Variants in DNM3 observed in about 807,000 individuals in gnomAD.
DNM3 encodes dynamin-3.
In DNM3, 47 loss-of-function variants were observed where a neutral mutation model predicts 101.6. The observed-to-expected ratio is 0.46, with a 90% CI of 0.37 to 0.59. The LOEUF (loss-of-function observed/expected upper bound fraction) is 0.59, where lower values mean the gene tolerates loss of function less well. DNM3 is among the 20% of genes least tolerant of loss of function. The pLI is 0.00. For synonymous variants in DNM3, 385 were observed against 387.9 expected (o/e 0.99, Z 0.09); for missense variants, 849 against 1,085.7 (o/e 0.78, Z 3.06).
chr1:171,990,155 G>A (rs1048437966), intron 4 of DNM3, among the ~76,000 whole-genome samples: 2 of 152,080 alleles, frequency 1.3e-5, no homozygotes, highest in South Asian at 2.1e-4. Context: ...TTTAGTGAGA[G>A]CTTTTTGAAG....
chr1:172,148,285 C>A (rs1167828653), intron 14 of DNM3, among the ~76,000 whole-genome samples: 1 of 149,556 alleles, frequency 6.7e-6, no homozygotes, highest in Admixed American at 6.7e-5. Context: ...AAGGCAGGAA[C>A]AATATATTTG....
intron 10 of DNM3, among the ~76,000 whole-genome samples, chr1:172,065,052 C>A (rs2051544519): frequency 6.6e-6 from 1 of 152,188 alleles, no homozygotes; most frequent in African/African-American, 2.4e-5. Context: ...ATCAATGCTC[C>A]TGCCAAGGCC....
At chr1:172,113,864 T>G (rs964462983) in intron 13 of DNM3, among the ~76,000 whole-genome samples, 17 of 152,156 alleles carry the variant, frequency 1.1e-4, no homozygotes, top group Non-Finnish European at 2.2e-4. Context: ...TCTTTTCTTC[T>G]TAAATAATCT....
Position 171,921,762 on chromosome 1 carries a change from G to A in DNM3, c.176G>A (p.Arg59Gln), listed in dbSNP as rs1292606567. The change falls in exon 2 of 21, where the codon CGA (arginine) becomes CAA (glutamine). Residue 59 changes from arginine (R) to glutamine (Q), a missense_variant. Coordinates refer to ENST00000627582, the MANE Select transcript of DNM3 (RefSeq NM_015569.5). ...ENFVGRDFLP[R>Q]GSGIVTRRPL... ...ACTTTTTTTAGGGACTTTCTCCCTC[G>A]AGGGTCGGGCATTGTAACAAGACGA... is the stretch of plus-strand genomic sequence containing the variant. 6.9e-6 allele frequency: 11 copies of A among 1,594,968 alleles called. No individual in the cohort carries two copies. The highest frequency in any genetic ancestry group is 7.7e-6 in the Non-Finnish European group (9 of 1,169,686).
At chr1:172,406,699 A>G (rs1319168947) in intron 20 of DNM3, among the ~76,000 whole-genome samples, 2 of 152,018 alleles carry the variant, frequency 1.3e-5, no homozygotes, top group African/African-American at 4.8e-5. Flanking sequence ...ACTATTTTTC[A>G]AAACTATTTT....
chr1:172,272,630 C>G (rs2148753778), intron 15 of DNM3, among the ~76,000 whole-genome samples: 1 of 152,174 alleles, frequency 6.6e-6, no homozygotes, highest in East Asian at 1.9e-4. Flanking sequence ...GTACTGATAC[C>G]AGACAAATAG....
intron 13 of DNM3, among the ~76,000 whole-genome samples, chr1:172,120,610 C>A (rs146560417): frequency 2.4e-4 from 36 of 152,320 alleles, no homozygotes; most frequent in Admixed American, 5.9e-4. Context: ...AGTGGCCACA[C>A]TGAGTTTGCC....
chr1:171,878,010 T>C (rs2035932565), intron 1 of DNM3, among the ~76,000 whole-genome samples: 1 of 152,226 alleles, frequency 6.6e-6, no homozygotes, highest in African/African-American at 2.4e-5. Context: ...AGGACAATGA[T>C]TCTCAGCACA....
chr1:172,222,645 G>T (rs1475278016), intron 14 of DNM3, among the ~76,000 whole-genome samples: 1 of 152,054 alleles, frequency 6.6e-6, no homozygotes, highest in Non-Finnish European at 1.5e-5. Context: ...GCTGAGAATT[G>T]GATATGTTTA....
At chr1:172,342,895 T>A (rs2148962861) in intron 17 of DNM3, among the ~76,000 whole-genome samples, 1 of 152,314 alleles carries the variant, frequency 6.6e-6, no homozygotes, top group South Asian at 2.1e-4. Flanking sequence ...CTTACCTTTT[T>A]TGAGGGATCC....
At chr1:172,363,047 AC>A (rs2067828834) in intron 17 of DNM3, among the ~76,000 whole-genome samples, 1 of 151,032 alleles carries the variant, frequency 6.6e-6, no homozygotes, top group Non-Finnish European at 1.5e-5. Context: ...ATCCCCAAAT[AC>A]TTTCCTCCCT....
intron 15 of DNM3, among the ~76,000 whole-genome samples, chr1:172,273,944 G>A (rs2063180506): frequency 2.0e-5 from 3 of 152,048 alleles, no homozygotes; most frequent in Non-Finnish European, 4.4e-5. Context: ...AGCTTAAGCT[G>A]TATTTTCATG....
In DNM3 at chr1:172,102,972, C is replaced by T. The variant is rs146438325; in HGVS notation, c.1545+10097C>T. 3.9e-4 allele frequency among the ~76,000 whole-genome samples: 60 copies of T among 152,170 alleles called. 1 individual carries two copies. In the East Asian group the frequency reaches 0.012, roughly 29 times the overall value. ...ATTTAGCACAAAGTATCCATGGAGC[C>T]AATAAAGTATCCATTTGTTACTTGT... On this transcript the variant is annotated intron_variant, in intron 13 of 20. Coordinates refer to ENST00000627582, the MANE Select transcript of DNM3 (RefSeq NM_015569.5).
chr1:172,319,080 G>A (rs566424408), intron 16 of DNM3, among the ~76,000 whole-genome samples: 12 of 151,990 alleles, frequency 7.9e-5, no homozygotes, highest in African/African-American at 2.4e-4. Context: ...CAGAAATAAC[G>A]CCGCATATCT....
At chr1:172,381,519 A>G (rs1042162465) in intron 18 of DNM3, among the ~76,000 whole-genome samples, 1 of 150,438 alleles carries the variant, frequency 6.6e-6, no homozygotes, top group Non-Finnish European at 1.5e-5. Context: ...AAAATTATAT[A>G]TGTATAATTC....
intron 12 of DNM3, among the ~76,000 whole-genome samples, chr1:172,086,137 A>G (rs1344773647): frequency 6.6e-6 from 1 of 152,166 alleles, no homozygotes; most frequent in Non-Finnish European, 1.5e-5. Flanking sequence ...ATCCTCAAAT[A>G]TGTTATTTTA....
chr1:171,949,714 C>A (rs2042388639), intron 2 of DNM3, among the ~76,000 whole-genome samples: 1 of 152,020 alleles, frequency 6.6e-6, no homozygotes, highest in Non-Finnish European at 1.5e-5. Context: ...CTGCACCTGG[C>A]CTCACAATGA....
Position 172,075,105 on chromosome 1 carries a change from G to A in DNM3, c.1422+6200G>A, listed in dbSNP as rs193296831. ...CTTTTTTTTCATATGTTTGTTGGCT[G>A]CATAAATGTCTTCTTTTGAGAAGTG... On this transcript the variant is annotated intron_variant, in intron 11 of 20. Transcript: ENST00000627582. Among the ~76,000 whole-genome samples, 66 of 151,960 alleles carry A rather than the reference G, an allele frequency of 4.3e-4. No individual in the cohort carries two copies. In the South Asian group the frequency reaches 6.4e-3, roughly 15 times the overall value.
At chr1:172,278,205 A>G (rs1257176825) in intron 15 of DNM3, among the ~76,000 whole-genome samples, 1 of 152,088 alleles carries the variant, frequency 6.6e-6, no homozygotes, top group Non-Finnish European at 1.5e-5. Context: ...ATAAATAGCT[A>G]TGGTTTTTTT....
Sources: gnomAD v4.1 joint callset for allele counts (sites outside exome capture counted in the v4.1 genomes callset) on GRCh38, gnomAD v4.1.1 for gene constraint, MANE v1.5 for transcripts, NCBI Gene and HGNC (gene_info 2026-07-23, HGNC 2026-07-21) for gene names.